PTPRT: variants seen among roughly 807,000 people sequenced by gnomAD.
PTPRT encodes receptor-type tyrosine-protein phosphatase T.
A neutral mutation model predicts 176.8 loss-of-function variants in PTPRT; 56 were observed. The observed-to-expected ratio is 0.32, with a 90% CI of 0.26 to 0.40. The LOEUF is 0.40. Among genes scored for constraint, PTPRT ranks in the 10% least tolerant of loss-of-function variants. The pLI is 1.00. For synonymous variants in PTPRT, 783 were observed against 739.0 expected (o/e 1.06, Z -0.96); for missense variants, 1,540 against 1,908.2 (o/e 0.81, Z 3.60).
intron 12 of PTPRT, among the ~76,000 whole-genome samples, chr20:42,285,192 A>T (rs2057209576): frequency 6.6e-6 from 1 of 152,038 alleles, no homozygotes; most frequent in Admixed American, 6.6e-5. Context: ...ACGGTTAAAT[A>T]AAGCATGAAA....
intron 9 of PTPRT, among the ~76,000 whole-genome samples, chr20:42,355,330 C>G (rs1275732301): frequency 1.3e-5 from 2 of 152,174 alleles, no homozygotes; most frequent in African/African-American, 4.8e-5. Context: ...CTTCCCCACT[C>G]CATATCTCTT....
chr20:43,125,644 T>C (rs1414076842), intron 1 of PTPRT, among the ~76,000 whole-genome samples: 1 of 152,232 alleles, frequency 6.6e-6, no homozygotes, highest in Non-Finnish European at 1.5e-5. Context: ...CAAGCAATTG[T>C]GTGTATTACT....
chr20:42,793,499 CAA>C (rs2077406922), intron 2 of PTPRT, among the ~76,000 whole-genome samples: 2 of 152,228 alleles, frequency 1.3e-5, no homozygotes, highest in South Asian at 4.2e-4. Context: ...CATATTGCCG[CAA>C]AAGTCATGAT....
intron 1 of PTPRT, among the ~76,000 whole-genome samples, chr20:43,024,339 G>GT (rs1985826678): frequency 6.6e-6 from 1 of 151,748 alleles, no homozygotes; most frequent in Non-Finnish European, 1.5e-5. Flanking sequence ...GCAAGAGGGG[G>GT]TAAAAAAAAA....
rs143389531 is a variant in PTPRT at position 42,904,634 on chromosome 20, C to A, written c.89-18702G>T. ...GGTGGGTCCCTGGCTAGGGCTCCAC[C>A]CCATGGACCTAGGTGAGGACAGGCA... On this transcript the variant is annotated intron_variant, in intron 1 of 30. Transcript: ENST00000373187. Among the ~76,000 whole-genome samples, 14 of 152,176 alleles carry A rather than the reference C, an allele frequency of 9.2e-5. No individual in the cohort carries two copies. In the East Asian group the frequency reaches 2.7e-3, roughly 29 times the overall value.
chr20:42,047,037 T>A, the PTPRT span, among the ~76,000 whole-genome samples: 45 of 152,302 alleles, frequency 3.0e-4, no homozygotes, highest in Non-Finnish European at 5.4e-4. Context: ...GCCATGTGGA[T>A]TAATTCTTGC....
At chr20:42,560,969 T>A (rs924312423) in intron 7 of PTPRT, among the ~76,000 whole-genome samples, 1 of 152,162 alleles carries the variant, frequency 6.6e-6, no homozygotes, top group African/African-American at 2.4e-5. Context: ...TGACTCTTCC[T>A]GTCTGTGGGC....
intron 2 of PTPRT, among the ~76,000 whole-genome samples, chr20:42,880,966 T>A (rs1375714801): frequency 6.6e-6 from 1 of 152,188 alleles, no homozygotes; most frequent in Non-Finnish European, 1.5e-5. Flanking sequence ...GATGCAGCAA[T>A]GCATCCTGGA....
intron 12 of PTPRT, among the ~76,000 whole-genome samples, chr20:42,303,835 G>A (rs994515210): frequency 7.2e-5 from 11 of 152,160 alleles, no homozygotes; most frequent in Admixed American, 1.3e-4. Flanking sequence ...AGAGAACTTG[G>A]TGATGGCTGA....
chr20:42,731,047 G>GC (rs56012884), intron 6 of PTPRT, among the ~76,000 whole-genome samples: 4 of 152,066 alleles, frequency 2.6e-5, no homozygotes, highest in East Asian at 3.9e-4. Flanking sequence ...GTACCTCTGT[G>GC]CCCCCCACCA....
chr20:42,966,367 A>G (rs1982293684), intron 1 of PTPRT: 1 of 152,104 alleles, frequency 6.6e-6, no homozygotes, highest in Non-Finnish European at 1.5e-5. Context: ...GGTTATTTCT[A>G]TGTCTATTTT....
chr20:42,249,592 T>G (rs756869434), intron 13 of PTPRT, among the ~76,000 whole-genome samples: 4 of 152,156 alleles, frequency 2.6e-5, no homozygotes, highest in African/African-American at 7.2e-5. Context: ...TTTCCCATTT[T>G]ATAGATGAGA....
intron 8 of PTPRT, among the ~76,000 whole-genome samples, chr20:42,457,738 T>G (rs1187327689): frequency 6.6e-6 from 1 of 152,128 alleles, no homozygotes; most frequent in Non-Finnish European, 1.5e-5. Flanking sequence ...GCAGGAAGAT[T>G]CTCCGTGGCA....
At chr20:42,359,889 C>G (rs2058409542) in intron 9 of PTPRT, among the ~76,000 whole-genome samples, 1 of 152,232 alleles carries the variant, frequency 6.6e-6, no homozygotes, top group Non-Finnish European at 1.5e-5. Flanking sequence ...GGGGCTTCCT[C>G]TAGCCTGGTG....
intron 4 of PTPRT, among the ~76,000 whole-genome samples, chr20:42,772,231 T>C (rs1321306780): frequency 6.6e-6 from 1 of 152,202 alleles, no homozygotes; most frequent in Non-Finnish European, 1.5e-5. Flanking sequence ...AAGTACCACA[T>C]GCAGTGTCTC....
rs752767685 is a variant in PTPRT at position 43,098,547 on chromosome 20, C to CT, written c.88+91098dup. On this transcript the variant is annotated intron_variant, in intron 1 of 30. Coordinates refer to ENST00000373187, the MANE Select transcript of PTPRT (RefSeq NM_007050.6). ...TCAAAAGGTGACAACTCTTTTTTTT[C>CT]TTTTTTTTTTTTTTGTTTGAGGTCT... is the stretch of plus-strand genomic sequence containing the variant. 6.5e-3 allele frequency among the ~76,000 whole-genome samples: 923 copies of CT among 141,860 alleles called. 5 individuals are homozygous for CT. Among genetic ancestry groups the CT allele is most frequent in the South Asian group, 0.031 (136 of 4,390 alleles). 93.1% of individuals were successfully genotyped at this position (141,860 alleles called of 152,430 possible). A position where few individuals can be genotyped will look rare whatever the true frequency, so the allele number is the denominator to read the frequency against.
intron 2 of PTPRT, among the ~76,000 whole-genome samples, chr20:42,806,003 A>ATTT (rs3092354): frequency 2.8e-5 from 4 of 140,612 alleles, no homozygotes; most frequent in South Asian, 2.3e-4. Context: ...TATAGGGAAG[A>ATTT]TTTTTTTTTT....
intron 1 of PTPRT, among the ~76,000 whole-genome samples, chr20:43,097,053 C>T (rs563823256): frequency 1.2e-4 from 18 of 152,322 alleles, no homozygotes; most frequent in Admixed American, 7.2e-4. Context: ...GAACACGAGG[C>T]CAAACCAGTT....
intron 12 of PTPRT, among the ~76,000 whole-genome samples, chr20:42,312,255 C>G (rs1359480886): frequency 6.6e-6 from 1 of 152,126 alleles, no homozygotes; most frequent in Admixed American, 6.5e-5. Context: ...AACGTGGGAG[C>G]CCCTGGATAC....
Sources: allele counts gnomAD v4.1 joint callset (sites outside exome capture counted in the v4.1 genomes callset), GRCh38; gene constraint gnomAD v4.1.1; transcripts MANE v1.5; gene names NCBI Gene and HGNC (gene_info 2026-07-23, HGNC 2026-07-21).